Variants in ELP4 observed in about 807,000 individuals in gnomAD.
ELP4 encodes elongator complex protein 4.
A neutral mutation model predicts 48.9 loss-of-function variants in ELP4; 51 were observed. The observed-to-expected ratio is 1.04, with a 90% CI of 0.83 to 1.32. The LOEUF is 1.32. ELP4 is among the 40% of genes most tolerant of loss of function. ELP4 has a pLI of 0.00. For missense variants in ELP4, 519 were observed against 514.6 expected, an observed-to-expected ratio of 1.01 and a Z score of -0.08; for synonymous variants, 210 against 189.2, an observed-to-expected ratio of 1.11 and a Z score of -0.90.
intron 9 of ELP4, among the ~76,000 whole-genome samples, chr11:31,720,325 A>C (rs1946933983): frequency 6.6e-6 from 1 of 151,812 alleles, no homozygotes; most frequent in African/African-American, 2.4e-5. Flanking sequence ...CTTTCCTTTG[A>C]CCTCGACAAT....
At chr11:31,548,740 A>G (rs1288538139) in intron 3 of ELP4, among the ~76,000 whole-genome samples, 4 of 151,952 alleles carry the variant, frequency 2.6e-5, no homozygotes, top group South Asian at 2.1e-4. Context: ...AAACTATACT[A>G]CAAGGCTACA....
chr11:31,556,581 G>A (rs1049322953), intron 3 of ELP4, among the ~76,000 whole-genome samples: 7 of 151,828 alleles, frequency 4.6e-5, no homozygotes, highest in Non-Finnish European at 8.9e-5. Flanking sequence ...AGGATTTTCA[G>A]AAGTAAATTT....
At chr11:31,551,442 T>C (rs7122139) in intron 3 of ELP4, among the ~76,000 whole-genome samples, 41,214 of 152,018 alleles carry the variant, frequency 0.27, 5,904 homozygotes, top group African/African-American at 0.35. Flanking sequence ...AATTTGATGG[T>C]TTTTCTTACT....
chr11:31,651,433 A>G (rs1945316919), intron 9 of ELP4: 1 of 151,682 alleles, frequency 6.6e-6, no homozygotes, highest in South Asian at 2.1e-4. Context: ...TCATCTGGGG[A>G]CACTCCCTTC....
chr11:31,585,808 G>T lies in ELP4; in HGVS notation c.382-8962G>T, dbSNP rs184779533. On this transcript the variant is annotated intron_variant, in intron 3 of 9. Transcript: ENST00000640961. Reference sequence around the variant, plus strand: ...GAGAAGAGATTAAAACATTAAGTGAGAAGACCAGGCATGATGGCTCATGAT... The same window carrying T: ...GAGAAGAGATTAAAACATTAAGTGATAAGACCAGGCATGATGGCTCATGAT... Among the ~76,000 whole-genome samples, 565 of 152,302 alleles carry T rather than the reference G, an allele frequency of 3.7e-3. 2 individuals are homozygous for T. Among genetic ancestry groups the T allele is most frequent in the African/African-American group, 0.012 (519 of 41,560 alleles).
intron 9 of ELP4, among the ~76,000 whole-genome samples, chr11:31,693,067 T>C (rs757873210): frequency 6.6e-6 from 1 of 152,162 alleles, no homozygotes; most frequent in Non-Finnish European, 1.5e-5. Flanking sequence ...GTGCCCCATG[T>C]TTATTAGGGA....
Sources: allele counts gnomAD v4.1 joint callset (sites outside exome capture counted in the v4.1 genomes callset), GRCh38; gene constraint gnomAD v4.1.1; transcripts MANE v1.5; gene names NCBI Gene and HGNC (gene_info 2026-07-23, HGNC 2026-07-21).